The following ARHGEF38 variants were observed in gnomAD, a reference collection of about 807,000 sequenced individuals.
ARHGEF38 encodes the protein Rho guanine nucleotide exchange factor 38.
Under a neutral mutation model 79.9 loss-of-function variants are expected in ARHGEF38, and 79 were observed. The ratio of observed to expected loss-of-function variants is 0.99; its 90% CI spans 0.82 to 1.19. The LOEUF is 1.19. Among genes scored for constraint, ARHGEF38 ranks in the 50% most tolerant of loss-of-function variants. ARHGEF38 has a pLI of 0.00. For missense variants in ARHGEF38, 962 were observed against 907.2 expected (o/e 1.06, Z -0.78); for synonymous variants, 366 against 328.3 (o/e 1.11, Z -1.24).
At chr4:105,609,844 A>G (rs1310383227) in intron 2 of ARHGEF38, among the ~76,000 whole-genome samples, 1 of 152,104 alleles carries the variant, frequency 6.6e-6, no homozygotes, top group African/African-American at 2.4e-5. Flanking sequence ...TGACCCAGCA[A>G]TCCAATTACT....
At chr4:105,590,900 C>T (rs1727302830) in intron 2 of ARHGEF38, among the ~76,000 whole-genome samples, 1 of 151,820 alleles carries the variant, frequency 6.6e-6, no homozygotes, top group African/African-American at 2.4e-5. Context: ...TATTCATATC[C>T]ATGTTTTTTG....
chr4:105,672,571 A>G (rs1341233307), intron 13 of ARHGEF38, among the ~76,000 whole-genome samples: 1 of 152,220 alleles, frequency 6.6e-6, no homozygotes, highest in East Asian at 1.9e-4. Flanking sequence ...TCAAATAGTA[A>G]TGGCATGCTC....
chr4:105,598,219 C>T (rs1473727786), intron 2 of ARHGEF38, among the ~76,000 whole-genome samples: 11 of 152,192 alleles, frequency 7.2e-5, no homozygotes, highest in Admixed American at 6.5e-5. Context: ...TTCTCCACTT[C>T]CATCTCCTAT....
chr4:105,552,950 A>G lies in ARHGEF38; in HGVS notation c.185A>G (p.Gln62Arg). 6.2e-7 allele frequency: 1 copy of G among 1,607,318 alleles called. No homozygotes were observed. Among genetic ancestry groups the G allele is most frequent in the Non-Finnish European group, 8.5e-7 (1 of 1,177,882 alleles). Residue 62 changes from glutamine to arginine, a missense_variant, in exon 1 of 14, where the codon CAG becomes CGG. Transcript: ENST00000420470. ...RSQSDRTEYN[Q>R]KLQEKMTPQG... ...CAATCTGACAGGACCGAATACAACC[A>G]GAAATTACAAGGTAACCAAAAAGAA... is the stretch of plus-strand genomic sequence containing the variant.
Position 105,678,533 on chromosome 4 carries a change from A to G in ARHGEF38, c.*596A>G, listed in dbSNP as rs1392453695. 1 of 152,184 alleles carries G rather than the reference A, an allele frequency of 6.6e-6. No homozygotes were observed. Among genetic ancestry groups the G allele is most frequent in the Non-Finnish European group, 1.5e-5 (1 of 68,022 alleles). 9.4% of individuals were successfully genotyped at this position (152,184 alleles called of 1,614,324 possible). A position where few individuals can be genotyped will look rare whatever the true frequency, so the allele number is the denominator to read the frequency against. The stretch of plus-strand genomic sequence containing the variant: ...ATGTTTCGTTTATATGTTTTGAACT[A>G]AAACTGAATAACTTGATATTAACAT... On this transcript the variant is annotated 3_prime_UTR_variant, in exon 14 of 14. Coordinates refer to ENST00000420470, the MANE Select transcript of ARHGEF38 (RefSeq NM_001242729.2).
intron 1 of ARHGEF38, among the ~76,000 whole-genome samples, chr4:105,582,350 G>A (rs980709995): frequency 1.6e-4 from 23 of 144,618 alleles, no homozygotes; most frequent in African/African-American, 5.6e-4. Context: ...TTTCACTCTT[G>A]CTTCTTTTCT....
intron 2 of ARHGEF38, among the ~76,000 whole-genome samples, chr4:105,611,821 T>C (rs556889511): frequency 1.3e-5 from 2 of 152,068 alleles, no homozygotes; most frequent in African/African-American, 4.8e-5. Flanking sequence ...TCAGAATACA[T>C]AAAACTAGTT....
intron 10 of ARHGEF38, among the ~76,000 whole-genome samples, chr4:105,665,041 G>C (rs1045390145): frequency 4.6e-5 from 7 of 152,000 alleles, no homozygotes; most frequent in Admixed American, 6.6e-5. Flanking sequence ...TGTCACCCAG[G>C]CTGGAGTGTC....
At chr4:105,631,214 T>C (rs191755011) in intron 4 of ARHGEF38, 169 bp downstream of exon 4, 4 of 1,261,288 alleles carry the variant, frequency 3.2e-6, no homozygotes, top group African/African-American at 1.5e-5. Flanking sequence ...GAAGCCCTGA[T>C]TGACTTTTTT....
chr4:105,624,474 C>T lies in ARHGEF38; in HGVS notation c.509-6424C>T, dbSNP rs565402847. On this transcript the variant is annotated intron_variant, in intron 3 of 13. Transcript: ENST00000420470. ...TTTAATCCCATGGCTGCATGTCCCA[C>T]CTGCTGCCTGTATTTGGTTTGAATA... Among the ~76,000 whole-genome samples, 4 of 152,268 alleles carry T rather than the reference C, an allele frequency of 2.6e-5. No individual in the cohort carries two copies. The South Asian group carries it at 6.2e-4, about 24-fold the overall frequency.
intron 2 of ARHGEF38, among the ~76,000 whole-genome samples, chr4:105,591,104 TTC>T (rs1483515136): frequency 6.6e-6 from 1 of 152,182 alleles, no homozygotes; most frequent in Non-Finnish European, 1.5e-5. Context: ...ACTTTATTGA[TTC>T]TGAGACATAT....
Position 105,648,633 on chromosome 4 carries a change from CAA to C in ARHGEF38, c.963_964del (p.Arg322SerfsTer16). 6.5e-7 allele frequency: 1 copy of C among 1,532,554 alleles called. No homozygotes were observed. The highest frequency in any genetic ancestry group is 8.7e-7 in the Non-Finnish European group (1 of 1,145,530). The allele number at this position is 1,532,554 out of a possible 1,614,324, so 94.9% of individuals were successfully genotyped here. On this transcript the variant is annotated frameshift_variant, in exon 7 of 14. Transcript: ENST00000420470. LOFTEE classifies it high-confidence loss of function. ...AATATTCATTCAATTAGCAAGAAATCAAAAAGAGTGACAAATCATCTGAAGAT... is the reference window on the plus strand; with the variant it reads ...AATATTCATTCAATTAGCAAGAAATCAAAGAGTGACAAATCATCTGAAGAT...
intron 13 of ARHGEF38, among the ~76,000 whole-genome samples, chr4:105,673,487 A>G (rs1049836385): frequency 5.3e-5 from 8 of 152,294 alleles, no homozygotes; most frequent in African/African-American, 1.9e-4. Context: ...CTGGCCCTTC[A>G]TCTTTACATT....
chr4:105,655,614 C>T lies in ARHGEF38; in HGVS notation c.1125C>T (p.Pro375=), dbSNP rs1271364131. Residue 375 remains proline (P), a synonymous_variant, in exon 9 of 14, where the codon CCC becomes CCT. Coordinates refer to ENST00000420470, the MANE Select transcript of ARHGEF38 (RefSeq NM_001242729.2). ...TTCTTGGGTTTCAGGATGCCATGCC[C>T]CTGGCTCTGCAGAGTGTGATGGACC... is the stretch of plus-strand genomic sequence containing the variant. ...LCLQHIQDAM[P]LALQSVMDLQ... is the part of the protein sequence containing the mutation. 1 of 1,535,172 alleles carries T rather than the reference C, an allele frequency of 6.5e-7. No homozygotes were observed. The highest frequency in any genetic ancestry group is 2.0e-5 in the Admixed American group (1 of 50,912).
chr4:105,566,075 A>T lies in ARHGEF38; in HGVS notation c.196+13114A>T, dbSNP rs1725870867. On this transcript the variant is annotated intron_variant, in intron 1 of 13. Transcript: ENST00000420470. Reference sequence around the variant, plus strand: ...ATCTAGTTCAGTGGAGGCCAAAGTGATCTTGCTAAGAGAATCTAATCATGT... The same window carrying T: ...ATCTAGTTCAGTGGAGGCCAAAGTGTTCTTGCTAAGAGAATCTAATCATGT... Among the ~76,000 whole-genome samples the T allele has an allele frequency of 2.0e-5, 3 of 152,250 alleles. No homozygotes were observed. The South Asian group carries it at 6.2e-4, about 32-fold the overall frequency.
rs1560684594 is a variant in ARHGEF38, at chr4:105,561,474, A to AGAATGGAATG, written c.196+8517_196+8518insGGAATGGAAT. On this transcript the variant is annotated intron_variant, in intron 1 of 13. Coordinates refer to ENST00000420470, the MANE Select transcript of ARHGEF38 (RefSeq NM_001242729.2). ...GGAATAGAATAGAATAGAATAGAAT[A>AGAATGGAATG]GAATAGAATAGAATAGAATAGAATA... 1.6e-3 allele frequency: 82 copies of AGAATGGAATG among 50,802 alleles called. 8 individuals are homozygous for AGAATGGAATG. Among genetic ancestry groups the AGAATGGAATG allele is most frequent in the South Asian group, 3.6e-3 (6 of 1,652 alleles). 3.1% of individuals were successfully genotyped at this position (50,802 alleles called of 1,614,324 possible).
At chr4:105,593,400 T>A (rs1487419663) in intron 2 of ARHGEF38, among the ~76,000 whole-genome samples, 1 of 151,534 alleles carries the variant, frequency 6.6e-6, no homozygotes, top group Non-Finnish European at 1.5e-5. Context: ...CAGCCAAGTG[T>A]AGTGGCTTGC....
intron 1 of ARHGEF38, among the ~76,000 whole-genome samples, chr4:105,583,445 C>T (rs199327): frequency 0.83 from 125,767 of 152,076 alleles, 52,446 homozygotes; most frequent in South Asian, 0.93. Flanking sequence ...GCCATGCACA[C>T]GCTCACCTTA....
chr4:105,652,957 C>A (rs1730167233), intron 7 of ARHGEF38, among the ~76,000 whole-genome samples: 2 of 152,098 alleles, frequency 1.3e-5, no homozygotes, highest in Non-Finnish European at 1.5e-5. Context: ...ACAGATGAAC[C>A]AAGCACTGCT....
Sources: allele counts gnomAD v4.1 joint callset (sites outside exome capture counted in the v4.1 genomes callset), GRCh38; gene constraint gnomAD v4.1.1; transcripts MANE v1.5; gene names NCBI Gene and HGNC (gene_info 2026-07-23, HGNC 2026-07-21).